Variants in SUSD1 observed in about 807,000 individuals in gnomAD.
The protein encoded by SUSD1 is sushi domain containing 1.
SUSD1 carries 65 observed loss-of-function variants against 86.9 expected under a neutral mutation model. The ratio of observed to expected loss-of-function variants is 0.75; its 90% CI spans 0.61 to 0.92. SUSD1 has a LOEUF of 0.92. Ranked by LOEUF, SUSD1 falls within the 40% of genes least tolerant of loss-of-function variation. The pLI is 0.00. For missense variants in SUSD1, 850 were observed against 929.7 expected (o/e 0.91, Z 1.11); for synonymous variants, 346 against 350.0 (o/e 0.99, Z 0.13).
chr9:112,102,637 C>T (rs533089437), intron 8 of SUSD1, among the ~76,000 whole-genome samples: 1 of 152,284 alleles, frequency 6.6e-6, no homozygotes, highest in South Asian at 2.1e-4. Context: ...TCGCTTGGAT[C>T]GTCCATAGGA....
rs758442726 is a variant in SUSD1, at chr9:112,170,710, T to TATATAGAGAGAGAG, written c.103+4422_103+4423insCTCTCTCTCTATAT. Among the ~76,000 whole-genome samples, 994 of 113,770 alleles carry TATATAGAGAGAGAG rather than the reference T, an allele frequency of 8.7e-3. 14 individuals are homozygous for TATATAGAGAGAGAG. The highest frequency in any genetic ancestry group is 0.024 in the East Asian group (97 of 4,100). 74.6% of individuals were successfully genotyped at this position (113,770 alleles called of 152,430 possible). On this transcript the variant is annotated intron_variant, in intron 1 of 16. Transcript: ENST00000374270. ...GCCAGATCATATATATATATATATA[T>TATATAGAGAGAGAG]AGAGAGAGAGAGAGAGAGAGAGAGA...
intron 5 of SUSD1, among the ~76,000 whole-genome samples, chr9:112,131,039 CA>C (rs1564322126): frequency 6.6e-6 from 1 of 151,754 alleles, no homozygotes; most frequent in Non-Finnish European, 1.5e-5. Flanking sequence ...AAACAAAAAA[CA>C]AAAAAAGAAA....
rs148030918 is a variant in SUSD1 at position 112,070,287 on chromosome 9, A to G, written c.1754-7254T>C. On this transcript the variant is annotated intron_variant, in intron 12 of 16. Coordinates refer to ENST00000374270, the MANE Select transcript of SUSD1 (RefSeq NM_022486.5). ...CTCCCAAAGTGCTGGCATTACAGGC[A>G]TGAGCCACCACGCCCAGCCGCTGCC... Among the ~76,000 whole-genome samples the G allele has an allele frequency of 4.0e-3, 606 of 152,264 alleles. 38 individuals carry two copies. In the East Asian group the frequency reaches 0.11, roughly 28 times the overall value.
chr9:112,139,531 A>G (rs1265098311), intron 5 of SUSD1, among the ~76,000 whole-genome samples: 1 of 151,986 alleles, frequency 6.6e-6, no homozygotes, highest in African/African-American at 2.4e-5. Context: ...TGCAGCCTCA[A>G]CCTCACAGGC....
At chr9:112,060,558 A>G (rs566092231) in intron 13 of SUSD1, among the ~76,000 whole-genome samples, 11 of 152,298 alleles carry the variant, frequency 7.2e-5, no homozygotes, top group South Asian at 2.1e-4. Context: ...CTGCCTCCCA[A>G]TGGGCTGGGA....
intron 3 of SUSD1, among the ~76,000 whole-genome samples, chr9:112,148,461 T>C (rs796859434): frequency 2.1e-4 from 32 of 152,258 alleles, no homozygotes; most frequent in African/African-American, 7.5e-4. Flanking sequence ...GGGACAACTC[T>C]GACCTCCTGT....
Position 112,142,349 on chromosome 9 carries a change from G to A in SUSD1, c.677C>T (p.Thr226Ile). The A allele has an allele frequency of 6.2e-7, 1 of 1,600,904 alleles. No individual in the cohort carries two copies. Among genetic ancestry groups the A allele is most frequent in the Non-Finnish European group, 8.5e-7 (1 of 1,174,476 alleles). ...GCAATGTAATTTTGGGGACTCCCAT[G>A]TGCCCAGGCCTGTGCAGCTTGAAAC... Reference protein sequence around the residue: ...DTVSSCTGLGTWESPKLHCQE... With the variant: ...DTVSSCTGLGIWESPKLHCQE... Residue 226 changes from threonine (T) to isoleucine (I), a missense_variant, in exon 5 of 17, where the codon ACA (threonine) becomes ATA (isoleucine). Physicochemically the swap from Thr to Ile is moderately conservative, Grantham distance 89. Transcript: ENST00000374270.
chr9:112,156,790 G>A (rs559697465), intron 2 of SUSD1, among the ~76,000 whole-genome samples: 3 of 152,228 alleles, frequency 2.0e-5, no homozygotes, highest in Admixed American at 2.0e-4. Flanking sequence ...ACAACTGTAA[G>A]GTAAAACCAT....
intron 10 of SUSD1, among the ~76,000 whole-genome samples, chr9:112,088,709 T>C (rs958646523): frequency 6.6e-6 from 1 of 152,200 alleles, no homozygotes; most frequent in African/African-American, 2.4e-5. Context: ...GGAGGATCAC[T>C]TGAGCCCAGG....
intron 15 of SUSD1, among the ~76,000 whole-genome samples, chr9:112,050,521 C>T (rs1828144217): frequency 6.6e-6 from 1 of 152,200 alleles, no homozygotes; most frequent in South Asian, 2.1e-4. Flanking sequence ...TTAAAAAGTG[C>T]TATCCAGTGG....
chr9:112,127,138 G>A (rs1008134764), intron 5 of SUSD1, among the ~76,000 whole-genome samples: 4 of 152,118 alleles, frequency 2.6e-5, no homozygotes, highest in African/African-American at 9.7e-5. Flanking sequence ...TTGGGAGGCC[G>A]AGGCAGGCAG....
chr9:112,097,441 CA>C (rs1830445442), intron 10 of SUSD1, among the ~76,000 whole-genome samples: 1 of 142,388 alleles, frequency 7.0e-6, no homozygotes, highest in Admixed American at 7.1e-5. Context: ...TCTTGTTGCC[CA>C]AGCTAGAGTG....
intron 2 of SUSD1, among the ~76,000 whole-genome samples, chr9:112,152,569 ATTTT>A (rs57257840): frequency 6.5e-5 from 8 of 122,642 alleles, no homozygotes; most frequent in African/African-American, 2.2e-4. Flanking sequence ...TGCCTGGATA[ATTTT>A]TTTTTTTTTT....
At chr9:112,049,192 C>T (rs141594426) in intron 15 of SUSD1, among the ~76,000 whole-genome samples, 73 of 152,198 alleles carry the variant, frequency 4.8e-4, no homozygotes, top group African/African-American at 1.5e-3. Flanking sequence ...ATCAGAGAGG[C>T]GTGCCCAAGG....
intron 15 of SUSD1, among the ~76,000 whole-genome samples, chr9:112,050,028 C>G (rs1300233671): frequency 6.6e-6 from 1 of 152,214 alleles, no homozygotes; most frequent in Non-Finnish European, 1.5e-5. Flanking sequence ...TAGCAAACAG[C>G]TGCTGAGTAG....
chr9:112,088,961 G>C (rs1166368312), intron 10 of SUSD1, among the ~76,000 whole-genome samples: 1 of 152,110 alleles, frequency 6.6e-6, no homozygotes, highest in African/African-American at 2.4e-5. Flanking sequence ...TTTAAAATTA[G>C]CTGAGCACAG....
Position 112,143,594 on chromosome 9 carries a change from A to C in SUSD1, c.403T>G (p.Cys135Gly). ...TTCACGCATCGCCCTCCATGCCTGC[A>C]CAGGCCAGAAACTTCACACTCATCT... Reference protein sequence around the residue: ...DIDECEVSGLCRHGGRCVNTH... With the variant: ...DIDECEVSGLGRHGGRCVNTH... Residue 135 changes from cysteine to glycine, a missense_variant, in exon 4 of 17, where the codon TGC becomes GGC. By Grantham distance (159) the Cys-to-Gly change is radical. Coordinates refer to ENST00000374270, the MANE Select transcript of SUSD1 (RefSeq NM_022486.5). The C allele has an allele frequency of 6.2e-7, 1 of 1,613,966 alleles. No homozygotes were observed. The highest frequency in any genetic ancestry group is 1.1e-5 in the South Asian group (1 of 91,016).
At chr9:112,096,315 C>A (rs923519274) in intron 10 of SUSD1, among the ~76,000 whole-genome samples, 1 of 152,144 alleles carries the variant, frequency 6.6e-6, no homozygotes, top group Non-Finnish European at 1.5e-5. Flanking sequence ...CTAGAATATG[C>A]CAAGTATGTG....
intron 5 of SUSD1, among the ~76,000 whole-genome samples, chr9:112,139,495 G>A (rs1451251092): frequency 1.3e-5 from 2 of 151,804 alleles, no homozygotes; most frequent in Non-Finnish European, 2.9e-5. Flanking sequence ...ACCCAGGCTG[G>A]AGGGCAGGGT....
Sources: allele counts gnomAD v4.1 joint callset (sites outside exome capture counted in the v4.1 genomes callset), GRCh38; gene constraint gnomAD v4.1.1; transcripts MANE v1.5; gene names NCBI Gene and HGNC (gene_info 2026-07-23, HGNC 2026-07-21).